COG7: variants seen among roughly 807,000 people sequenced by gnomAD.
COG7 encodes the protein conserved oligomeric Golgi complex subunit 7.
In COG7, 49 loss-of-function variants were observed where a neutral mutation model predicts 91.5. That is an observed-to-expected ratio of 0.54 (90% CI 0.43 to 0.68). COG7 has a LOEUF of 0.68. Ranked by LOEUF, COG7 falls within the 30% of genes least tolerant of loss-of-function variation. The probability of loss-of-function intolerance (pLI) is 0.00; values close to 1 mark genes in which losing one functional copy is unlikely to be tolerated. For synonymous variants in COG7, 365 were observed against 388.7 expected (o/e 0.94, Z 0.72); for missense variants, 895 against 961.3 (o/e 0.93, Z 0.91).
intron 4 of COG7, among the ~76,000 whole-genome samples, chr16:23,436,656 C>G (rs529583928): frequency 6.6e-6 from 1 of 151,158 alleles, no homozygotes; most frequent in Non-Finnish European, 1.5e-5. Flanking sequence ...AACCCAAGAG[C>G]TGGAGGTTGC....
At chr16:23,391,205 G>C (rs1167794513) in intron 16 of COG7, among the ~76,000 whole-genome samples, 1 of 152,196 alleles carries the variant, frequency 6.6e-6, no homozygotes, top group Non-Finnish European at 1.5e-5. Flanking sequence ...GAGCAATGCT[G>C]AATGAGTGAA....
At chr16:23,445,702 T>G (rs1254726235) in intron 2 of COG7, 111 bp downstream of exon 2, 4 of 1,072,114 alleles carry the variant, frequency 3.7e-6, no homozygotes, top group Middle Eastern at 2.0e-4. Flanking sequence ...GAATCTTGAG[T>G]GATGGTTGGC....
intron 5 of COG7, among the ~76,000 whole-genome samples, chr16:23,434,349 T>A (rs927598013): frequency 6.6e-6 from 1 of 152,008 alleles, no homozygotes; most frequent in Non-Finnish European, 1.5e-5. Context: ...GACATAAATC[T>A]CCCTTAAAAG....
chr16:23,397,174 G>A (rs1963298975), intron 14 of COG7, among the ~76,000 whole-genome samples: 1 of 152,190 alleles, frequency 6.6e-6, no homozygotes. Context: ...CTCCCAAAGT[G>A]CTGTGACTAT....
intron 6 of COG7, among the ~76,000 whole-genome samples, chr16:23,428,860 T>G (rs188681728): frequency 5.3e-4 from 81 of 151,886 alleles, no homozygotes; most frequent in Admixed American, 4.5e-3. Flanking sequence ...GCCGGCTAAT[T>G]TTTTGTATTT....
intron 1 of COG7, among the ~76,000 whole-genome samples, chr16:23,447,827 G>A (rs1206104928): frequency 2.0e-5 from 3 of 151,968 alleles, no homozygotes; most frequent in African/African-American, 7.3e-5. Flanking sequence ...TTGAACCTGG[G>A]AGGCGGAGGT....
At chr16:23,419,085 C>A (rs1191472012) in intron 7 of COG7, among the ~76,000 whole-genome samples, 1 of 152,198 alleles carries the variant, frequency 6.6e-6, no homozygotes, top group Non-Finnish European at 1.5e-5. Flanking sequence ...TCCCATGACC[C>A]ACCACAAATA....
intron 10 of COG7, among the ~76,000 whole-genome samples, chr16:23,411,627 A>G (rs1386399840): frequency 1.3e-5 from 2 of 152,176 alleles, no homozygotes; most frequent in African/African-American, 4.8e-5. Context: ...AATTTCATCA[A>G]AACAATCCAG....
chr16:23,445,854 C>T lies in COG7; in HGVS notation c.277G>A (p.Asp93Asn). ...GTGTCCTGTTCAAATTTTTTAATGT[C>T]CTCCTTGACAAGAATCATCTGTTCT... The part of the protein sequence containing the change: ...LKEQMILVKE[D>N]IKKFEQDTSQ... The change falls in exon 2 of 17, where the codon GAC becomes AAC. Residue 93 changes from aspartate to asparagine, a missense_variant. Asp to Asn is a conservative substitution (Grantham distance 23). Coordinates refer to ENST00000307149, the MANE Select transcript of COG7 (RefSeq NM_153603.4). 6.2e-7 allele frequency: 1 copy of T among 1,613,904 alleles called. No homozygotes were observed.
intron 6 of COG7, 87 bp downstream of exon 6, chr16:23,433,458 C>T: frequency 6.6e-7 from 1 of 1,521,268 alleles, no homozygotes; most frequent in Non-Finnish European, 9.1e-7. Context: ...CTGTGCTCTG[C>T]AGTTGAGGGT....
In COG7 at chr16:23,424,956, A is replaced by T. The variant is rs761670964; in HGVS notation, c.811-9T>A. On this transcript the variant is annotated splice_polypyrimidine_tract_variant and intron_variant, in intron 6 of 16. Coordinates refer to ENST00000307149, the MANE Select transcript of COG7 (RefSeq NM_153603.4). The stretch of plus-strand genomic sequence containing the variant: ...TGGGGCTTCTGGAAAACCTGCAGTG[A>T]GAGAGAGGTGTACCTGCCTTAGCAC... 6.3e-7 allele frequency: 1 copy of T among 1,591,650 alleles called. No homozygotes were observed. The highest frequency in any genetic ancestry group is 1.8e-5 in the Admixed American group (1 of 56,400).
chr16:23,397,189 A>G (rs1384362436), intron 14 of COG7, among the ~76,000 whole-genome samples: 1 of 152,244 alleles, frequency 6.6e-6, no homozygotes, highest in Non-Finnish European at 1.5e-5. Flanking sequence ...GACTATAAGC[A>G]TGAGCCACCA....
chr16:23,397,993 A>T (rs1176216136), intron 14 of COG7, 53 bp downstream of exon 14: 2 of 1,445,140 alleles, frequency 1.4e-6, no homozygotes, highest in African/African-American at 2.8e-5. Context: ...TCAAAAGACA[A>T]GGAAGGTCTG....
At chr16:23,407,924 G>A (rs984240346) in intron 11 of COG7, among the ~76,000 whole-genome samples, 12 of 151,124 alleles carry the variant, frequency 7.9e-5, no homozygotes, top group Non-Finnish European at 1.2e-4. Context: ...TGCACACTGC[G>A]TTCTCTTGGC....
intron 7 of COG7, among the ~76,000 whole-genome samples, chr16:23,421,549 G>T (rs1963756061): frequency 6.6e-6 from 1 of 151,554 alleles, no homozygotes; most frequent in Non-Finnish European, 1.5e-5. Context: ...AAAGAGAAAA[G>T]ATACTTTTTA....
Position 23,406,157 on chromosome 16 carries a change from G to T in COG7, c.1581C>A (p.Asn527Lys), listed in dbSNP as rs776885702. The change falls in exon 12 of 17, where the codon AAC becomes AAA. Residue 527 changes from asparagine (N) to lysine (K), a missense_variant. Physicochemically the swap from Asn to Lys is moderately conservative, Grantham distance 94. Coordinates refer to ENST00000307149, the MANE Select transcript of COG7 (RefSeq NM_153603.4). ...ILTDKKNSAKNPWQEYNYLQK... is the reference protein window; with the variant it reads ...ILTDKKNSAKKPWQEYNYLQK... ...GGAGGTAATTATATTCTTGCCATGG[G>T]TTCTTGGCAGAGTTCTTCTTGTCTG... 1.2e-6 allele frequency: 2 copies of T among 1,613,870 alleles called. No individual in the cohort carries two copies. Among genetic ancestry groups the T allele is most frequent in the African/African-American group, 1.3e-5 (1 of 75,002 alleles).
intron 10 of COG7, among the ~76,000 whole-genome samples, chr16:23,411,136 T>C (rs1252657287): frequency 6.6e-6 from 1 of 152,232 alleles, no homozygotes; most frequent in South Asian, 2.1e-4. Context: ...CAGATGAAGA[T>C]TAATCCATTT....
intron 14 of COG7, 146 bp from the exon 15 acceptor site, chr16:23,393,493 A>G (rs2142059085): frequency 1.5e-6 from 1 of 675,554 alleles, no homozygotes; most frequent in South Asian, 1.6e-5. Flanking sequence ...GTATGTGGCG[A>G]TGCTTGTTAT....
Position 23,452,818 on chromosome 16 carries a change from C to G in COG7, c.169+8G>C. 4 of 1,609,252 alleles carry G rather than the reference C, an allele frequency of 2.5e-6. No individual in the cohort carries two copies. Among genetic ancestry groups the G allele is most frequent in the Non-Finnish European group, 3.4e-6 (4 of 1,178,470 alleles). ...AGGGTCCCGCGGCCAGGGCCCCGAG[C>G]GGCTCACCCTCCACGGCGTGGTTCA... On this transcript the variant is annotated splice_region_variant and intron_variant, in intron 1 of 16. Coordinates refer to ENST00000307149, the MANE Select transcript of COG7 (RefSeq NM_153603.4).
Sources: gnomAD v4.1 joint callset for allele counts (sites outside exome capture counted in the v4.1 genomes callset) on GRCh38, gnomAD v4.1.1 for gene constraint, MANE v1.5 for transcripts, NCBI Gene and HGNC (gene_info 2026-07-23, HGNC 2026-07-21) for gene names.